Variants in NOS1 observed in about 807,000 individuals in gnomAD.
The protein encoded by NOS1 is NOS type I.
Under a neutral mutation model 164.5 loss-of-function variants are expected in NOS1, and 51 were observed. That is an observed-to-expected ratio of 0.31 (90% CI 0.25 to 0.39). NOS1 has a LOEUF of 0.39. Ranked by LOEUF, NOS1 falls within the 10% of genes least tolerant of loss-of-function variation. NOS1 has a pLI of 1.00. For synonymous variants in NOS1, 719 were observed against 745.8 expected, an observed-to-expected ratio of 0.96 and a Z score of 0.59; for missense variants, 1,362 against 1,885.6, an observed-to-expected ratio of 0.72 and a Z score of 5.14.
At chr12:117,309,434 A>T in intron 3 of NOS1, 2 of 968,384 alleles carry the variant, frequency 2.1e-6, no homozygotes, top group Non-Finnish European at 2.5e-6. Context: ...GAGAACTTTG[A>T]GGCCTTGTTT....
chr12:117,307,382 A>G (rs1001743208), intron 3 of NOS1, among the ~76,000 whole-genome samples: 1 of 152,058 alleles, frequency 6.6e-6, no homozygotes, highest in Admixed American at 6.5e-5. Flanking sequence ...TTGTTTTGAG[A>G]CAGGTTCTTG....
chr12:117,350,733 C>G (rs1020664412), intron 1 of NOS1, among the ~76,000 whole-genome samples: 2 of 152,158 alleles, frequency 1.3e-5, no homozygotes, highest in African/African-American at 4.8e-5. Context: ...CTCTTTCCCC[C>G]CATCTGTGCT....
At chr12:117,309,430 T>C in intron 3 of NOS1, 2 of 971,788 alleles carry the variant, frequency 2.1e-6, no homozygotes, top group Non-Finnish European at 2.4e-6. Context: ...TGTAGAGAAC[T>C]TTGAGGCCTT....
At chr12:117,291,755 T>G (rs1873082017) in intron 3 of NOS1, among the ~76,000 whole-genome samples, 1 of 151,990 alleles carries the variant, frequency 6.6e-6, no homozygotes, top group African/African-American at 2.4e-5. Flanking sequence ...AGGTTGGTCT[T>G]GAACTCCTAG....
rs377193486 is a variant in NOS1, at chr12:117,215,269, C to T, written c.*40G>A. Reference sequence around the variant, plus strand: ...GGAAAGGTTCAGCAGTGTCTGTCCGCGCTTACAAAACTTGCAGCCGGCTGG... The same window carrying T: ...GGAAAGGTTCAGCAGTGTCTGTCCGTGCTTACAAAACTTGCAGCCGGCTGG... On this transcript the variant is annotated 3_prime_UTR_variant, in exon 29 of 29. Coordinates refer to ENST00000317775, the MANE Select transcript of NOS1 (RefSeq NM_000620.5). The T allele has an allele frequency of 1.2e-4, 186 of 1,533,222 alleles. No homozygotes were observed. The South Asian group carries it at 1.9e-3, about 15-fold the overall frequency. 95.0% of individuals were successfully genotyped at this position (1,533,222 alleles called of 1,614,324 possible).
At chr12:117,328,055 G>T (rs184240222) in intron 2 of NOS1, among the ~76,000 whole-genome samples, 1 of 152,208 alleles carries the variant, frequency 6.6e-6, no homozygotes, top group Admixed American at 6.5e-5. Context: ...CCTCAAACAC[G>T]TTAAGCACAC....
intron 1 of NOS1, among the ~76,000 whole-genome samples, chr12:117,355,429 G>A (rs1236337058): frequency 6.6e-6 from 1 of 152,200 alleles, no homozygotes; most frequent in East Asian, 1.9e-4. Context: ...AGGTCTTTGT[G>A]GGAAGTGCGT....
At chr12:117,326,294 G>A (rs1396396670) in intron 2 of NOS1, among the ~76,000 whole-genome samples, 3 of 151,856 alleles carry the variant, frequency 2.0e-5, no homozygotes, top group South Asian at 2.1e-4. Flanking sequence ...GCTGAGGCAG[G>A]AGAATTGCTG....
In NOS1 at chr12:117,272,356, C is replaced by G. The variant is rs755939156; in HGVS notation, c.1839+29G>C. 9.3e-6 allele frequency: 15 copies of G among 1,613,198 alleles called. No homozygotes were observed. The East Asian group carries it at 1.8e-4, about 19-fold the overall frequency. The stretch of plus-strand genomic sequence containing the variant: ...CTGGCACCCTCTGCTATGTGCTTTT[C>G]CCCTGTGGTGACCAGAGAGGGCCCT... On this transcript the variant is annotated intron_variant, in intron 10 of 28. Transcript: ENST00000317775. This position sits in a 1 kb window ranked among gnomAD's most constrained non-coding sequence, Gnocchi z 4.3.
intron 8 of NOS1, among the ~76,000 whole-genome samples, chr12:117,278,977 ATATT>A (rs1218445899): frequency 6.6e-6 from 1 of 150,986 alleles, no homozygotes; most frequent in Non-Finnish European, 1.5e-5. Context: ...TTTAAATAAT[ATATT>A]TAACATTAAA....
chr12:117,219,114 G>T (rs943138844), intron 27 of NOS1, among the ~76,000 whole-genome samples: 1 of 151,678 alleles, frequency 6.6e-6, no homozygotes, highest in Non-Finnish European at 1.5e-5. Context: ...GAGCAGCTGG[G>T]ACTACAGGCA....
At chr12:117,334,402 C>A (rs1875700503) in intron 1 of NOS1, among the ~76,000 whole-genome samples, 2 of 151,902 alleles carry the variant, frequency 1.3e-5, no homozygotes, top group South Asian at 4.2e-4. Flanking sequence ...TGTCAATTAG[C>A]TTCTTTTTTT....
At chr12:117,280,891 C>T (rs1301212636) in intron 7 of NOS1, 25 bp from the exon 8 acceptor site, 16 of 1,610,898 alleles carry the variant, frequency 9.9e-6, no homozygotes, top group South Asian at 1.1e-5. Context: ...GGGGAACACC[C>T]GGCATCAGGG....
At chr12:117,309,091 G>A (rs536322090) in intron 3 of NOS1, among the ~76,000 whole-genome samples, 1 of 152,264 alleles carries the variant, frequency 6.6e-6, no homozygotes, top group Admixed American at 6.5e-5. Flanking sequence ...GGGCTCATAT[G>A]ATGGCCATAC....
Position 117,272,514 on chromosome 12 carries a change from G to A in NOS1, c.1710C>T (p.Pro570=), listed in dbSNP as rs1271784652. 10 of 1,614,160 alleles carry A rather than the reference G, an allele frequency of 6.2e-6. No homozygotes were observed. Among genetic ancestry groups the A allele is most frequent in the South Asian group, 2.2e-5 (2 of 91,084 alleles). ...KDLGLKWYGL[P]AVSNMLLEIG... ...TCTCTAGGAGCATGTTGGACACGGC[G>A]GGGAGGCCGTACCACTTCAGCCCCA... The change falls in exon 10 of 29, where the codon CCC becomes CCT. Residue 570 remains proline (P), a synonymous_variant. Coordinates refer to ENST00000317775, the MANE Select transcript of NOS1 (RefSeq NM_000620.5). This position sits in a 1 kb window ranked among gnomAD's most constrained non-coding sequence, Gnocchi z 4.3.
chr12:117,322,314 TCCTC>T (rs1874999463), intron 2 of NOS1, among the ~76,000 whole-genome samples: 3 of 68,830 alleles, frequency 4.4e-5, no homozygotes, highest in Non-Finnish European at 9.7e-5. Flanking sequence ...CCTCTGTCCC[TCCTC>T]TTCCTTCCCT....
At chr12:117,346,225 C>A (rs1876342272) in intron 1 of NOS1, among the ~76,000 whole-genome samples, 1 of 152,226 alleles carries the variant, frequency 6.6e-6, no homozygotes, top group African/African-American at 2.4e-5. Context: ...AATCCCAGCA[C>A]TTTGGGAGGC....
chr12:117,257,243 C>T (rs1214288328), intron 16 of NOS1, among the ~76,000 whole-genome samples: 1 of 151,786 alleles, frequency 6.6e-6, no homozygotes, highest in Non-Finnish European at 1.5e-5. Flanking sequence ...ACTACCATGC[C>T]CAGCTAATTT....
chr12:117,256,324 C>T (rs1248366768), intron 16 of NOS1, among the ~76,000 whole-genome samples: 1 of 131,924 alleles, frequency 7.6e-6, no homozygotes, highest in Non-Finnish European at 1.5e-5. Context: ...TGTCACCCAA[C>T]CTGGAGTGCA....
Sources: gnomAD v4.1 joint callset for allele counts (sites outside exome capture counted in the v4.1 genomes callset) on GRCh38, gnomAD v4.1.1 for gene constraint, Gnocchi (gnomAD v3.1) non-coding constraint, MANE v1.5 for transcripts, NCBI Gene and HGNC (gene_info 2026-07-23, HGNC 2026-07-21) for gene names.